Variants in TMPRSS9 observed in about 807,000 individuals in gnomAD.
The protein encoded by TMPRSS9 is transmembrane serine protease 9, also known as transmembrane protease serine 9.
A neutral mutation model predicts 111.4 loss-of-function variants in TMPRSS9; 113 were observed. The observed-to-expected ratio is 1.01, with a 90% CI of 0.87 to 1.19. The LOEUF is 1.19. Among genes scored for constraint, TMPRSS9 ranks in the 50% most tolerant of loss-of-function variants. The pLI is 0.00. For synonymous variants in TMPRSS9, 805 were observed against 659.1 expected, an observed-to-expected ratio of 1.22 and a Z score of -3.39; for missense variants, 1,803 against 1,513.1, an observed-to-expected ratio of 1.19 and a Z score of -3.18.
intron 1 of TMPRSS9, 130 bp from the exon 3 acceptor site, chr19:2,396,409 C>A: frequency 8.8e-7 from 1 of 1,134,582 alleles, no homozygotes; most frequent in Non-Finnish European, 1.2e-6. Flanking sequence ...GGGCGTCGAC[C>A]ACCCCACTGC....
upstream of TMPRSS9, among the ~76,000 whole-genome samples, chr19:2,386,264 G>T (rs1428419859): frequency 6.6e-6 from 1 of 152,098 alleles, no homozygotes; most frequent in Non-Finnish European, 1.5e-5. Context: ...CCAGCATTTT[G>T]GGAGGCTGAG....
intron 7 of TMPRSS9, among the ~76,000 whole-genome samples, chr19:2,406,363 G>T (rs572188894): frequency 6.7e-6 from 1 of 149,034 alleles, no homozygotes; most frequent in African/African-American, 2.5e-5. Context: ...GTCTCAGTCT[G>T]TCGCCCTGGC....
chr19:2,401,573 C>G (rs1385329681), intron 4 of TMPRSS9, among the ~76,000 whole-genome samples: 1 of 152,036 alleles, frequency 6.6e-6, no homozygotes, highest in East Asian at 1.9e-4. Context: ...TCACTTTACT[C>G]CATGACCTGC....
intron 17 of TMPRSS9, 143 bp downstream of exon 18, chr19:2,425,636 C>G: frequency 7.3e-7 from 1 of 1,365,852 alleles, no homozygotes; most frequent in South Asian, 1.7e-5. Flanking sequence ...CTTTTTGGCT[C>G]TGGAGGAATT....
intron 13 of TMPRSS9, among the ~76,000 whole-genome samples, chr19:2,420,745 T>C (rs1320412524): frequency 6.6e-6 from 1 of 152,226 alleles, no homozygotes; most frequent in Non-Finnish European, 1.5e-5. Flanking sequence ...TCTAGGAGTG[T>C]TGTGAGATCG....
intron 3 of TMPRSS9, 71 bp from the exon 5 acceptor site, chr19:2,398,947 T>C (rs1297660030): frequency 1.0e-5 from 16 of 1,547,966 alleles, no homozygotes; most frequent in African/African-American, 2.7e-5. Context: ...TGGAAGATTC[T>C]AGAAGATTCC....
At chr19:2,418,026 A>G in exon 13 of TMPRSS9, 1 of 1,611,754 alleles carries the variant, frequency 6.2e-7, no homozygotes, top group Non-Finnish European at 8.5e-7. Context: ...CTCCTGCAGA[A>G]GGCGTCCGTG....
intron 11 of TMPRSS9, chr19:2,416,118 G>A: frequency 2.3e-6 from 1 of 441,586 alleles, no homozygotes; most frequent in Non-Finnish European, 4.0e-6. Context: ...CCGCATCTGT[G>A]GTCCCAGCTA....
chr19:2,401,869 A>G, intron 4 of TMPRSS9, 106 bp from the exon 6 acceptor site: 2 of 817,384 alleles, frequency 2.4e-6, no homozygotes, highest in Non-Finnish European at 3.6e-6. Flanking sequence ...CAGCCTCCCA[A>G]AGTGCTGGGA....
intron 14 of TMPRSS9, among the ~76,000 whole-genome samples, chr19:2,423,253 C>G (rs1386187374): frequency 6.6e-6 from 1 of 151,704 alleles, no homozygotes; most frequent in Admixed American, 6.6e-5. Flanking sequence ...TCTTTGGGCC[C>G]AAAAGAGGTG....
intron 1 of TMPRSS9, among the ~76,000 whole-genome samples, chr19:2,368,646 C>T (rs1970265165): frequency 1.3e-5 from 2 of 152,138 alleles, no homozygotes; most frequent in South Asian, 2.1e-4. Flanking sequence ...TGAGCCTGGG[C>T]GATGCCCTGC....
At position 2,393,577 on chromosome 19, in the gene TMPRSS9, G is replaced by C. The variant is rs367720685; in HGVS notation, c.143-2962G>C. On this transcript the variant is annotated intron_variant, in intron 1 of 17. Coordinates refer to ENST00000648592, the Ensembl canonical transcript of TMPRSS9. Reference sequence around the variant, plus strand: ...ACGAATTTCGGACACAGTAACATGGGGAAACCCTGTCTCTACAAAAGAATG... The same window carrying C: ...ACGAATTTCGGACACAGTAACATGGCGAAACCCTGTCTCTACAAAAGAATG... Among the ~76,000 whole-genome samples, 11 of 152,168 alleles carry C rather than the reference G, an allele frequency of 7.2e-5. No individual in the cohort carries two copies. In the East Asian group the frequency reaches 1.5e-3, roughly 21 times the overall value.
intron 9 of TMPRSS9, among the ~76,000 whole-genome samples, chr19:2,411,843 G>C (rs12609648): frequency 0.56 from 85,881 of 152,076 alleles, 26,559 homozygotes; most frequent in African/African-American, 0.82. Flanking sequence ...TGAGCCACCA[G>C]GCCCGGCCGA....
At chr19:2,409,948 T>C (rs939800270) in intron 8 of TMPRSS9, among the ~76,000 whole-genome samples, 7 of 151,950 alleles carry the variant, frequency 4.6e-5, no homozygotes, top group Non-Finnish European at 8.8e-5. Context: ...ATTTGAGGAC[T>C]GTGGACCTGG....
chr19:2,379,631 T>C (rs972073935), intron 1 of TMPRSS9, among the ~76,000 whole-genome samples: 6 of 144,268 alleles, frequency 4.2e-5, no homozygotes, highest in African/African-American at 1.6e-4. Flanking sequence ...CTTTCTTTCT[T>C]TCTTTCTTTC....
At chr19:2,369,579 C>G (rs1241055748) in intron 1 of TMPRSS9, among the ~76,000 whole-genome samples, 1 of 150,708 alleles carries the variant, frequency 6.6e-6, no homozygotes, top group Admixed American at 6.7e-5. Context: ...TGTGTGCTAC[C>G]ACCCTGGCTA....
At chr19:2,389,359 G>A (rs982795303), upstream of TMPRSS9, among the ~76,000 whole-genome samples, 2 of 146,624 alleles carry the variant, frequency 1.4e-5, no homozygotes, top group African/African-American at 5.1e-5. Flanking sequence ...ACAGGCATAA[G>A]CCACCGCATC....
In TMPRSS9 at chr19:2,410,511, C is replaced by G; in HGVS notation, c.1254+117C>G. ...GCTGTGAGCCCCCAACGCCCCAGAC[C>G]CCAGAAAAACACAGACACGAGCGTG... On this transcript the variant is annotated intron_variant, in intron 9 of 17. Coordinates refer to ENST00000648592, the Ensembl canonical transcript of TMPRSS9. 3 of 1,371,296 alleles carry G rather than the reference C, an allele frequency of 2.2e-6. No individual in the cohort carries two copies. The South Asian group carries it at 4.2e-5, about 19-fold the overall frequency. The allele number at this position is 1,371,296 out of a possible 1,614,324, so 84.9% of individuals were successfully genotyped here. A position where few individuals can be genotyped will look rare whatever the true frequency, so the allele number is the denominator to read the frequency against.
At chr19:2,397,979 G>A (rs1970744764) in intron 2 of TMPRSS9, among the ~76,000 whole-genome samples, 1 of 142,108 alleles carries the variant, frequency 7.0e-6, no homozygotes, top group African/African-American at 2.6e-5. Context: ...CGCCTCCTGG[G>A]CTCAAGCAAT....
Sources: allele counts gnomAD v4.1 joint callset (sites outside exome capture counted in the v4.1 genomes callset), GRCh38; gene constraint gnomAD v4.1.1; transcripts MANE v1.5; gene names NCBI Gene and HGNC (gene_info 2026-07-23, HGNC 2026-07-21).